The following EIF2B3 variants were observed in gnomAD, a reference collection of about 807,000 sequenced individuals.
The protein encoded by EIF2B3 is eukaryotic translation initiation factor 2B subunit gamma.
EIF2B3 carries 20 observed loss-of-function variants against 54.1 expected under a neutral mutation model. The observed-to-expected ratio is 0.37, with a 90% CI of 0.26 to 0.54. The LOEUF is 0.54. Among genes scored for constraint, EIF2B3 ranks in the 20% least tolerant of loss-of-function variants. The pLI, the probability that EIF2B3 is intolerant of heterozygous loss-of-function variation, is 0.86. For missense variants in EIF2B3, 448 were observed against 547.8 expected, an observed-to-expected ratio of 0.82 and a Z score of 1.82; for synonymous variants, 153 against 188.1, an observed-to-expected ratio of 0.81 and a Z score of 1.52.
chr1:44,974,616 A>C (rs1644434978), intron 3 of EIF2B3, among the ~76,000 whole-genome samples: 1 of 152,108 alleles, frequency 6.6e-6, no homozygotes, highest in East Asian at 1.9e-4. Flanking sequence ...CTGTGACCAC[A>C]CAACTGCACA....
At chr1:44,949,380 C>G (rs1480575104) in intron 3 of EIF2B3, among the ~76,000 whole-genome samples, 1 of 152,156 alleles carries the variant, frequency 6.6e-6, no homozygotes, top group Non-Finnish European at 1.5e-5. Context: ...TTTTTTCCAT[C>G]TAGACTTTGA....
chr1:44,874,514 A>T, intron 10 of EIF2B3, 164 bp downstream of exon 10: 1 of 716,314 alleles, frequency 1.4e-6, no homozygotes, highest in Non-Finnish European at 2.2e-6. Context: ...TTTCCTAGTA[A>T]AGTTTTTGAG....
intron 4 of EIF2B3, among the ~76,000 whole-genome samples, chr1:44,933,994 T>C (rs1557692414): frequency 6.6e-6 from 1 of 151,986 alleles, no homozygotes; most frequent in Non-Finnish European, 1.5e-5. Flanking sequence ...TGGTGGCACA[T>C]GCCTGTAATC....
chr1:44,976,050 G>A lies in EIF2B3; in HGVS notation c.294+2265C>T, dbSNP rs1048117183. On this transcript the variant is annotated intron_variant, in intron 3 of 11. Coordinates refer to ENST00000360403, the MANE Select transcript of EIF2B3 (RefSeq NM_020365.5). ...TAGAAGAACATCTACACAAAGGTCA[G>A]ATGGGCAGAGATTTCTTAGGCCGGA... Among the ~76,000 whole-genome samples, 9 of 152,160 alleles carry A rather than the reference G, an allele frequency of 5.9e-5. No individual in the cohort carries two copies. The East Asian group carries it at 1.7e-3, about 29-fold the overall frequency.
intron 11 of EIF2B3, among the ~76,000 whole-genome samples, chr1:44,855,089 C>CAAA (rs111960773): frequency 2.1e-5 from 2 of 95,246 alleles, no homozygotes; most frequent in African/African-American, 6.8e-5. Context: ...GGCTCAGTCT[C>CAAA]AAAAAAAAAA....
At chr1:44,907,451 G>A (rs1281531089) in intron 5 of EIF2B3, among the ~76,000 whole-genome samples, 1 of 152,184 alleles carries the variant, frequency 6.6e-6, no homozygotes, top group African/African-American at 2.4e-5. Flanking sequence ...CCAGCTACTT[G>A]GGAAGCTGAG....
chr1:44,877,319 C>T (rs1442173016), intron 8 of EIF2B3, among the ~76,000 whole-genome samples: 1 of 151,778 alleles, frequency 6.6e-6, no homozygotes, highest in East Asian at 1.9e-4. Flanking sequence ...TGCTGCATTC[C>T]CCCTAGGACC....
intron 3 of EIF2B3, among the ~76,000 whole-genome samples, chr1:44,964,078 T>A (rs1644312223): frequency 6.7e-6 from 1 of 149,744 alleles, no homozygotes; most frequent in African/African-American, 2.5e-5. Context: ...TATACTAGGT[T>A]AGTATCAAAA....
At chr1:44,858,020 G>T (rs1362888589) in intron 10 of EIF2B3, among the ~76,000 whole-genome samples, 1 of 151,024 alleles carries the variant, frequency 6.6e-6, no homozygotes, top group Non-Finnish European at 1.5e-5. Context: ...TGCTCATAAC[G>T]ATCTTTCTCT....
intron 8 of EIF2B3, among the ~76,000 whole-genome samples, chr1:44,876,469 C>A (rs1244154296): frequency 4.4e-5 from 6 of 136,636 alleles, no homozygotes; most frequent in Non-Finnish European, 6.3e-5. Flanking sequence ...CTCTGCCTGG[C>A]AGCCGCCCCG....
chr1:44,959,271 T>C, intron 3 of EIF2B3: 1 of 684,990 alleles, frequency 1.5e-6, no homozygotes, highest in Admixed American at 1.9e-5. Flanking sequence ...AGACCTTTTT[T>C]TTTGTGGGTT....
intron 10 of EIF2B3, among the ~76,000 whole-genome samples, chr1:44,873,511 C>G (rs1655026829): frequency 1.3e-5 from 2 of 152,150 alleles, no homozygotes; most frequent in Non-Finnish European, 2.9e-5. Flanking sequence ...GGCCAGTAGT[C>G]AGGTTTATTA....
intron 6 of EIF2B3, among the ~76,000 whole-genome samples, chr1:44,888,317 G>C (rs1429197370): frequency 2.6e-5 from 4 of 152,196 alleles, no homozygotes; most frequent in Non-Finnish European, 5.9e-5. Context: ...GATTTTGCCT[G>C]TGGTTCCATG....
At chr1:44,877,192 T>TAAAAAAAAAAAAAAAAAA (rs768263508) in intron 8 of EIF2B3, among the ~76,000 whole-genome samples, 1 of 52,082 alleles carries the variant, frequency 1.9e-5, no homozygotes, top group African/African-American at 8.9e-5. Context: ...GAATGATCAA[T>TAAAAAAAAAAAAAAAAAA]AAAAAAAAAA....
chr1:44,960,625 G>A (rs1008328047), intron 3 of EIF2B3, among the ~76,000 whole-genome samples: 1 of 151,412 alleles, frequency 6.6e-6, no homozygotes, highest in Non-Finnish European at 1.5e-5. Flanking sequence ...GCAACACAGC[G>A]AGACCCCGTC....
intron 1 of EIF2B3, among the ~76,000 whole-genome samples, chr1:44,984,506 AT>A (rs1310348684): frequency 6.6e-6 from 1 of 151,956 alleles, no homozygotes; most frequent in African/African-American, 2.4e-5. Context: ...TTGAGTCATG[AT>A]TCTGACACTC....
At chr1:44,921,573 G>T (rs939095744) in intron 5 of EIF2B3, among the ~76,000 whole-genome samples, 34 of 152,330 alleles carry the variant, frequency 2.2e-4, no homozygotes, top group Middle Eastern at 6.8e-3. Context: ...TATATGGCAA[G>T]AGACAGGGGT....
intron 5 of EIF2B3, among the ~76,000 whole-genome samples, chr1:44,902,474 C>A (rs1045356952): frequency 1.3e-5 from 2 of 151,048 alleles, no homozygotes; most frequent in Non-Finnish European, 2.9e-5. Context: ...AGCACCTAGG[C>A]GACTAAGCAA....
chr1:44,980,414 T>C (rs1173063392), intron 2 of EIF2B3, among the ~76,000 whole-genome samples: 2 of 151,778 alleles, frequency 1.3e-5, no homozygotes, highest in South Asian at 2.1e-4. Flanking sequence ...CTGGCGGAGG[T>C]TGTAGTGAGC....
Sources: gnomAD v4.1 joint callset for allele counts (sites outside exome capture counted in the v4.1 genomes callset) on GRCh38, gnomAD v4.1.1 for gene constraint, MANE v1.5 for transcripts, NCBI Gene and HGNC (gene_info 2026-07-23, HGNC 2026-07-21) for gene names.